The following TLL1 variants were observed in gnomAD, a reference collection of about 807,000 sequenced individuals.
TLL1 encodes the protein tolloid-like protein 1.
A neutral mutation model predicts 128.2 loss-of-function variants in TLL1; 49 were observed. The observed-to-expected ratio is 0.38, with a 90% confidence interval of 0.30 to 0.48. TLL1 has a LOEUF of 0.48. Ranked by LOEUF, TLL1 falls within the 20% of genes least tolerant of loss-of-function variation. The pLI is 0.96. For missense variants in TLL1, 1,123 were observed against 1,242.0 expected (o/e 0.90, Z 1.44); for synonymous variants, 454 against 418.8 (o/e 1.08, Z -1.03).
intron 12 of TLL1, among the ~76,000 whole-genome samples, chr4:166,049,286 C>G (rs1226001858): frequency 6.6e-6 from 1 of 152,124 alleles, no homozygotes; most frequent in African/African-American, 2.4e-5. Flanking sequence ...ATTTATGTCA[C>G]CAGGTCTAGT....
intron 1 of TLL1, among the ~76,000 whole-genome samples, chr4:165,906,010 AC>A: frequency 6.6e-6 from 1 of 152,052 alleles, no homozygotes; most frequent in Admixed American, 6.6e-5. Flanking sequence ...AGTTTTGTAT[AC>A]ATTATAATTC....
intron 16 of TLL1, 45 bp downstream of exon 16, chr4:166,065,908 T>C: frequency 1.9e-6 from 3 of 1,588,130 alleles, no homozygotes; most frequent in East Asian, 4.5e-5. Flanking sequence ...AGATTTTCAA[T>C]GTGGGTTGGA....
Position 165,962,938 on chromosome 4 carries a change from C to T in TLL1, c.170-26443C>T, listed in dbSNP as rs143508378. 1.9e-3 allele frequency among the ~76,000 whole-genome samples: 291 copies of T among 150,800 alleles called. 1 individual carries two copies. The highest frequency in any genetic ancestry group is 6.4e-3 in the African/African-American group (264 of 41,272). On this transcript the variant is annotated intron_variant, in intron 1 of 20. Coordinates refer to ENST00000061240, the MANE Select transcript of TLL1 (RefSeq NM_012464.5). The stretch of plus-strand genomic sequence containing the variant: ...GGCATGGTGGCACGTGCCTGTAATC[C>T]CAGCTACTAGGGAGACTGAGGCACA...
At chr4:166,031,890 C>T (rs1404624189) in intron 9 of TLL1, among the ~76,000 whole-genome samples, 2 of 151,978 alleles carry the variant, frequency 1.3e-5, no homozygotes, top group Admixed American at 1.3e-4. Flanking sequence ...TTCTTGAGTG[C>T]CTACACTACA....
chr4:166,055,415 G>T, intron 13 of TLL1, 144 bp downstream of exon 13: 1 of 736,734 alleles, frequency 1.4e-6, no homozygotes, highest in Admixed American at 2.4e-5. Context: ...CGATAGAAAA[G>T]GTTATTAATA....
At chr4:166,015,305 C>T (rs534085891) in intron 8 of TLL1, among the ~76,000 whole-genome samples, 12 of 152,060 alleles carry the variant, frequency 7.9e-5, no homozygotes, top group African/African-American at 2.9e-4. Flanking sequence ...TCCTTTTACC[C>T]AATACTTACT....
At chr4:166,024,598 G>GATCC (rs1738405462) in intron 8 of TLL1, among the ~76,000 whole-genome samples, 1 of 152,196 alleles carries the variant, frequency 6.6e-6, no homozygotes, top group African/African-American at 2.4e-5. Context: ...GGTGAACACA[G>GATCC]ATCCTGATGC....
chr4:166,051,889 T>A (rs996356298), intron 12 of TLL1, among the ~76,000 whole-genome samples: 1 of 152,234 alleles, frequency 6.6e-6, no homozygotes, highest in African/African-American at 2.4e-5. Flanking sequence ...TAATATGTAA[T>A]GCATAAATAT....
rs564591734 is a variant in TLL1, at chr4:166,015,347, G to C, written c.1042+787G>C. 1.4e-4 allele frequency among the ~76,000 whole-genome samples: 21 copies of C among 152,070 alleles called. No individual in the cohort carries two copies. The South Asian group carries it at 4.4e-3, about 32-fold the overall frequency. On this transcript the variant is annotated intron_variant, in intron 8 of 20. Transcript: ENST00000061240. ...ATTCACTTTTGGAAGTATTGTTCTAGATACTTAAGGTTGCAGATACAATAA... is the reference window on the plus strand; with the variant it reads ...ATTCACTTTTGGAAGTATTGTTCTACATACTTAAGGTTGCAGATACAATAA...
intron 8 of TLL1, among the ~76,000 whole-genome samples, chr4:166,024,155 C>A (rs2111067475): frequency 6.6e-6 from 1 of 152,300 alleles, no homozygotes; most frequent in Admixed American, 6.5e-5. Flanking sequence ...GTTCATCAGA[C>A]TAAACATTGT....
At chr4:165,999,597 C>T (rs1579602984) in intron 5 of TLL1, among the ~76,000 whole-genome samples, 1 of 151,832 alleles carries the variant, frequency 6.6e-6, no homozygotes, top group Non-Finnish European at 1.5e-5. Flanking sequence ...GGTTGGGACA[C>T]AGAGTCAAAC....
At chr4:165,926,987 C>T (rs1187449367) in intron 1 of TLL1, among the ~76,000 whole-genome samples, 1 of 152,112 alleles carries the variant, frequency 6.6e-6, no homozygotes, top group Non-Finnish European at 1.5e-5. Context: ...CTAGCTCTGG[C>T]CATTGACTAT....
At position 166,103,629 on chromosome 4, in the gene TLL1, C is replaced by G. The variant is rs1029845632; in HGVS notation, c.*2753C>G. 6.6e-6 allele frequency: 1 copy of G among 151,756 alleles called. No homozygotes were observed. Among genetic ancestry groups the G allele is most frequent in the Non-Finnish European group, 1.5e-5 (1 of 67,830 alleles). 9.4% of individuals were successfully genotyped at this position (151,756 alleles called of 1,614,324 possible). A position where few individuals can be genotyped will look rare whatever the true frequency, so the allele number is the denominator to read the frequency against. On this transcript the variant is annotated 3_prime_UTR_variant, in exon 21 of 21. Coordinates refer to ENST00000061240, the MANE Select transcript of TLL1 (RefSeq NM_012464.5). The stretch of plus-strand genomic sequence containing the variant: ...ATTTTTATTGTATCATGTCAAGTAT[C>G]AGTTTACCACATATTATTTTTATAT...
chr4:165,952,367 T>C lies in TLL1; in HGVS notation c.170-37014T>C, dbSNP rs150716091. 2.6e-4 allele frequency among the ~76,000 whole-genome samples: 39 copies of C among 152,308 alleles called. 1 individual carries two copies. In the East Asian group the frequency reaches 6.4e-3, roughly 25 times the overall value. ...AAAGCATTTGGAACATTAGATTATATTGTATTCTGGTTTTGAAGAAAACTT... is the reference window on the plus strand; with the variant it reads ...AAAGCATTTGGAACATTAGATTATACTGTATTCTGGTTTTGAAGAAAACTT... On this transcript the variant is annotated intron_variant, in intron 1 of 20. Coordinates refer to ENST00000061240, the MANE Select transcript of TLL1 (RefSeq NM_012464.5).
intron 9 of TLL1, chr4:166,030,383 T>G (rs1738709489): frequency 6.9e-6 from 3 of 431,822 alleles, no homozygotes; most frequent in Non-Finnish European, 1.2e-5. Context: ...ACTGTAGAAG[T>G]TTTTATATAT....
chr4:165,943,266 AG>A (rs1561044339), intron 1 of TLL1, among the ~76,000 whole-genome samples: 2 of 152,062 alleles, frequency 1.3e-5, no homozygotes, highest in African/African-American at 2.4e-5. Flanking sequence ...CATGCAAAAA[AG>A]CAAAATGTTT....
At chr4:166,097,395 G>A (rs903051418) in intron 19 of TLL1, among the ~76,000 whole-genome samples, 1 of 152,098 alleles carries the variant, frequency 6.6e-6, no homozygotes, top group African/African-American at 2.4e-5. Context: ...TCTATCAGTA[G>A]GTTGTGTGAG....
At chr4:166,055,511 C>T (rs1739964067) in intron 13 of TLL1, among the ~76,000 whole-genome samples, 1 of 152,062 alleles carries the variant, frequency 6.6e-6, no homozygotes, top group African/African-American at 2.4e-5. Context: ...ATGGTCAAAA[C>T]AGCAAGTTCC....
chr4:166,049,372 T>G (rs1411932176), intron 12 of TLL1, among the ~76,000 whole-genome samples: 1 of 152,218 alleles, frequency 6.6e-6, no homozygotes, highest in African/African-American at 2.4e-5. Context: ...CTATCTTCAC[T>G]TACACATTTT....
Sources: gnomAD v4.1 joint callset for allele counts (sites outside exome capture counted in the v4.1 genomes callset) on GRCh38, gnomAD v4.1.1 for gene constraint, MANE v1.5 for transcripts, NCBI Gene and HGNC (gene_info 2026-07-23, HGNC 2026-07-21) for gene names.